ASPH: variants seen among roughly 807,000 people sequenced by gnomAD.
ASPH encodes aspartate beta-hydroxylase, also known as aspartyl/asparaginyl beta-hydroxylase.
A neutral mutation model predicts 118.4 loss-of-function variants in ASPH; 100 were observed. The observed-to-expected ratio is 0.84, with a 90% confidence interval of 0.72 to 1.00. The LOEUF (loss-of-function observed/expected upper bound fraction) is 1.00. Among genes scored for constraint, ASPH ranks in the 50% least tolerant of loss-of-function variants. The probability of loss-of-function intolerance (pLI) is 0.00; values close to 1 mark genes in which losing one functional copy is unlikely to be tolerated. For missense variants in ASPH, 920 were observed against 919.5 expected, an observed-to-expected ratio of 1.00 and a Z score of -0.01; for synonymous variants, 315 against 325.6, an observed-to-expected ratio of 0.97 and a Z score of 0.35.
intron 16 of ASPH, among the ~76,000 whole-genome samples, chr8:61,570,227 G>A (rs1833053936): frequency 6.6e-6 from 1 of 152,166 alleles, no homozygotes; most frequent in Admixed American, 6.5e-5. Flanking sequence ...ATAATAAAAT[G>A]TTGAATATCT....
intron 15 of ASPH, chr8:61,578,376 G>T: frequency 6.2e-7 from 1 of 1,604,916 alleles, no homozygotes; most frequent in Non-Finnish European, 8.5e-7. Context: ...CCTGGGAGGC[G>T]GCTATAGTGG....
intron 3 of ASPH, among the ~76,000 whole-genome samples, chr8:61,655,483 G>T (rs1813189450): frequency 6.6e-6 from 1 of 152,122 alleles, no homozygotes; most frequent in Non-Finnish European, 1.5e-5. Context: ...ACTTTAGCAG[G>T]CTCTCAAACT....
intron 2 of ASPH, among the ~76,000 whole-genome samples, chr8:61,682,656 A>G (rs148808224): frequency 7.2e-5 from 11 of 152,282 alleles, no homozygotes; most frequent in African/African-American, 1.9e-4. Flanking sequence ...TGGTCTGTCA[A>G]TCTATCCAGA....
chr8:61,636,856 C>T (rs1207306725), intron 12 of ASPH, among the ~76,000 whole-genome samples: 3 of 152,032 alleles, frequency 2.0e-5, no homozygotes, highest in African/African-American at 7.2e-5. Context: ...CTGAGTAACA[C>T]AAGGTGGGAA....
chr8:61,665,303 G>A lies in ASPH; in HGVS notation c.323-11643C>T, dbSNP rs200630673. The A allele has an allele frequency of 1.2e-5, 20 of 1,613,090 alleles. No individual in the cohort carries two copies. The South Asian group carries it at 2.0e-4, about 16-fold the overall frequency. On this transcript the variant is annotated intron_variant, in intron 3 of 24. Coordinates refer to ENST00000379454, the MANE Select transcript of ASPH (RefSeq NM_004318.4). ...CTTTGTTAAGTGTGCATATCTGGTAGAACTTCTACTTTCCTTTCTGTCATC... is the reference window on the plus strand; with the variant it reads ...CTTTGTTAAGTGTGCATATCTGGTAAAACTTCTACTTTCCTTTCTGTCATC...
chr8:61,585,947 AT>A (rs1182602400), intron 14 of ASPH, among the ~76,000 whole-genome samples: 1 of 152,246 alleles, frequency 6.6e-6, no homozygotes, highest in Non-Finnish European at 1.5e-5. Flanking sequence ...TATATGAAGC[AT>A]TTAACACAGT....
At chr8:61,679,025 GA>G (rs1826643121) in intron 3 of ASPH, among the ~76,000 whole-genome samples, 1 of 152,042 alleles carries the variant, frequency 6.6e-6, no homozygotes, top group Non-Finnish European at 1.5e-5. Flanking sequence ...TCACAAACCA[GA>G]AAAGAACTTC....
chr8:61,708,496 A>C (rs1837255688), intron 1 of ASPH, among the ~76,000 whole-genome samples: 2 of 152,236 alleles, frequency 1.3e-5, no homozygotes, highest in African/African-American at 4.8e-5. Context: ...GAAAATTGAA[A>C]TTGAAAGCAG....
rs956016581 is a variant in ASPH, at chr8:61,501,043, G to A, written c.*2316C>T. 4 of 151,966 alleles carry A rather than the reference G, an allele frequency of 2.6e-5. No individual in the cohort carries two copies. The highest frequency in any genetic ancestry group is 4.4e-5 in the Non-Finnish European group (3 of 67,986). 9.4% of individuals were successfully genotyped at this position (151,966 alleles called of 1,614,324 possible). On this transcript the variant is annotated 3_prime_UTR_variant, in exon 25 of 25. Transcript: ENST00000379454. ...TATATTATACACTTGGAGAAATAAAGTTGAAACAGAATTAAAAATATTTCT... is the reference window on the plus strand; with the variant it reads ...TATATTATACACTTGGAGAAATAAAATTGAAACAGAATTAAAAATATTTCT...
At chr8:61,703,366 T>A (rs994844158) in intron 1 of ASPH, among the ~76,000 whole-genome samples, 1 of 152,230 alleles carries the variant, frequency 6.6e-6, no homozygotes, top group South Asian at 2.1e-4. Context: ...GATATTTACA[T>A]AGAAAATCCC....
chr8:61,697,580 G>A (rs867025733), intron 1 of ASPH, among the ~76,000 whole-genome samples: 18 of 152,202 alleles, frequency 1.2e-4, no homozygotes, highest in Middle Eastern at 3.4e-3. Context: ...GCTATAAATC[G>A]GAGTTCCCAA....
At chr8:61,530,175 C>T (rs1301502000) in intron 21 of ASPH, among the ~76,000 whole-genome samples, 1 of 152,194 alleles carries the variant, frequency 6.6e-6, no homozygotes, top group Non-Finnish European at 1.5e-5. Flanking sequence ...TTTTTAAAAG[C>T]CTCTTCTGAA....
intron 14 of ASPH, among the ~76,000 whole-genome samples, chr8:61,592,783 T>A (rs1247959660): frequency 6.6e-6 from 1 of 152,228 alleles, no homozygotes; most frequent in Non-Finnish European, 1.5e-5. Flanking sequence ...TAATCTTCCT[T>A]TATTAGGATT....
In ASPH at chr8:61,610,978, G is replaced by A. The variant is rs563071681; in HGVS notation, c.976+8000C>T. 4.7e-4 allele frequency among the ~76,000 whole-genome samples: 71 copies of A among 152,314 alleles called. 1 individual carries two copies. Among genetic ancestry groups the A allele is most frequent in the Non-Finnish European group, 8.1e-4 (55 of 68,034 alleles). Reference sequence around the variant, plus strand: ...GACTGAATGATTGCAACTTCATGGTGTCTTTGCAGCCAGGCACTACAGTTC... The same window carrying A: ...GACTGAATGATTGCAACTTCATGGTATCTTTGCAGCCAGGCACTACAGTTC... On this transcript the variant is annotated intron_variant, in intron 14 of 24. Transcript: ENST00000379454.
At chr8:61,576,992 T>A in intron 15 of ASPH, 134 bp from the exon 16 acceptor site, 2 of 671,322 alleles carry the variant, frequency 3.0e-6, no homozygotes, top group Non-Finnish European at 4.6e-6. Flanking sequence ...TAGTTTTATC[T>A]AAGATTTTAA....
At position 61,590,550 on chromosome 8, in the gene ASPH, C is replaced by CTGTGTGTGTG. The variant is rs5891814; in HGVS notation, c.977-6531_977-6522dup. On this transcript the variant is annotated intron_variant, in intron 14 of 24. Coordinates refer to ENST00000379454, the MANE Select transcript of ASPH (RefSeq NM_004318.4). Reference sequence around the variant, plus strand: ...ATTAAATACGGACCTTAATTTAACTCTGTGTGTGTGTGTGTGTGTGTGTGT... The same window carrying CTGTGTGTGTG: ...ATTAAATACGGACCTTAATTTAACTCTGTGTGTGTGTGTGTGTGTGTGTGTGTGTGTGTGT... Among the ~76,000 whole-genome samples, 831 of 146,778 alleles carry CTGTGTGTGTG rather than the reference C, an allele frequency of 5.7e-3. 7 individuals carry two copies. The highest frequency in any genetic ancestry group is 0.019 in the African/African-American group (762 of 39,498).
intron 3 of ASPH, chr8:61,676,423 G>A (rs1825417721): frequency 1.9e-6 from 2 of 1,068,132 alleles, no homozygotes; most frequent in Admixed American, 2.8e-5. Context: ...ATCAAGGTCA[G>A]AGAGGTTTAC....
At chr8:61,562,659 TA>T in intron 18 of ASPH, 84 bp downstream of exon 18, 1 of 1,302,746 alleles carries the variant, frequency 7.7e-7, no homozygotes, top group Non-Finnish European at 1.0e-6. Context: ...TAATTTAAAA[TA>T]AAGAGAGACT....
chr8:61,625,242 C>A (rs970346862), intron 13 of ASPH: 9 of 985,720 alleles, frequency 9.1e-6, no homozygotes, highest in Non-Finnish European at 1.1e-5. Flanking sequence ...AGAAGAAAAT[C>A]TTCAGTGTAG....
Sources: gnomAD v4.1 joint callset for allele counts (sites outside exome capture counted in the v4.1 genomes callset) on GRCh38, gnomAD v4.1.1 for gene constraint, MANE v1.5 for transcripts, NCBI Gene and HGNC (gene_info 2026-07-23, HGNC 2026-07-21) for gene names.